Variants in FBXW8 observed in about 807,000 individuals in gnomAD.
FBXW8 encodes the protein F-box and WD repeat domain containing 8.
A neutral mutation model predicts 65.3 loss-of-function variants in FBXW8; 57 were observed. That is an observed-to-expected ratio of 0.87 (90% CI 0.71 to 1.09). The LOEUF is 1.09. Among genes scored for constraint, FBXW8 ranks in the 50% least tolerant of loss-of-function variants. The pLI is 0.00. For synonymous variants in FBXW8, 308 were observed against 330.2 expected, an observed-to-expected ratio of 0.93 and a Z score of 0.73; for missense variants, 777 against 814.8, an observed-to-expected ratio of 0.95 and a Z score of 0.57.
intron 1 of FBXW8, among the ~76,000 whole-genome samples, chr12:116,915,652 T>C (rs1038022545): frequency 6.1e-4 from 85 of 139,624 alleles, no homozygotes; most frequent in Non-Finnish European, 1.0e-3. Flanking sequence ...TTTTTTTTTT[T>C]TTTTTTTTTT....
intron 5 of FBXW8, among the ~76,000 whole-genome samples, chr12:116,965,344 T>C (rs936559695): frequency 6.6e-6 from 1 of 152,260 alleles, no homozygotes; most frequent in Non-Finnish European, 1.5e-5. Context: ...TAATATGTTT[T>C]CTCTTTGACA....
intron 2 of FBXW8, among the ~76,000 whole-genome samples, chr12:116,943,679 T>C (rs1882751653): frequency 1.3e-5 from 2 of 152,214 alleles, no homozygotes; most frequent in Non-Finnish European, 2.9e-5. Context: ...CTCTGGTCTT[T>C]CCTGGGCACA....
At chr12:116,944,576 A>G (rs1340088384) in intron 2 of FBXW8, among the ~76,000 whole-genome samples, 1 of 152,206 alleles carries the variant, frequency 6.6e-6, no homozygotes, top group African/African-American at 2.4e-5. Flanking sequence ...TGCTGTGCAG[A>G]CCGGGATCAC....
rs991610601 is a variant in FBXW8 at position 117,030,716 on chromosome 12, G to C, written c.*2544G>C. 2 of 152,096 alleles carry C rather than the reference G, an allele frequency of 1.3e-5. No homozygotes were observed. Among genetic ancestry groups the C allele is most frequent in the East Asian group, 3.9e-4 (2 of 5,192 alleles). 9.4% of individuals were successfully genotyped at this position (152,096 alleles called of 1,614,324 possible). A position where few individuals can be genotyped will look rare whatever the true frequency, so the allele number is the denominator to read the frequency against. On this transcript the variant is annotated 3_prime_UTR_variant, in exon 11 of 11. Transcript: ENST00000652555. ...CCTGTTTCTAACGTACCTGCCATTC[G>C]TGGAAGTCGCCTGGGTTTTGTAAAG...
intron 5 of FBXW8, 59 bp downstream of exon 5, chr12:116,964,913 G>A: frequency 6.6e-7 from 1 of 1,517,420 alleles, no homozygotes; most frequent in South Asian, 1.3e-5. Context: ...CAAAAATTAA[G>A]CAGCTGTGGC....
At chr12:116,916,961 C>T (rs922325560) in intron 1 of FBXW8, among the ~76,000 whole-genome samples, 1 of 151,924 alleles carries the variant, frequency 6.6e-6, no homozygotes, top group Non-Finnish European at 1.5e-5. Context: ...AGTCATCATA[C>T]AGCAGCTTAG....
chr12:116,983,124 A>G (rs541740319), intron 5 of FBXW8, among the ~76,000 whole-genome samples: 2 of 152,274 alleles, frequency 1.3e-5, no homozygotes, highest in African/African-American at 2.4e-5. Flanking sequence ...CTCTATGCAA[A>G]TGGGAGTTTT....
intron 8 of FBXW8, among the ~76,000 whole-genome samples, chr12:117,021,483 C>T (rs1476200062): frequency 6.6e-6 from 1 of 151,850 alleles, no homozygotes; most frequent in Non-Finnish European, 1.5e-5. Flanking sequence ...AGGTCTTCCT[C>T]CTTTGAATAT....
In FBXW8 at chr12:117,030,885, T is replaced by G. The variant is rs1362723398; in HGVS notation, c.*2713T>G. 1 of 152,216 alleles carries G rather than the reference T, an allele frequency of 6.6e-6. No individual in the cohort carries two copies. Among genetic ancestry groups the G allele is most frequent in the Non-Finnish European group, 1.5e-5 (1 of 68,048 alleles). The allele number at this position is 152,216 out of a possible 1,614,324, so 9.4% of individuals were successfully genotyped here. ...TTTATAAGCCAACATGTATCCAAAT[T>G]AAGCCCCCTTACCTTTATCCAGACC... On this transcript the variant is annotated 3_prime_UTR_variant, in exon 11 of 11. Coordinates refer to ENST00000652555, the MANE Select transcript of FBXW8 (RefSeq NM_153348.3).
chr12:116,945,692 A>C (rs1395777140), intron 3 of FBXW8, among the ~76,000 whole-genome samples, 164 bp downstream of exon 3: 2 of 152,206 alleles, frequency 1.3e-5, no homozygotes, highest in Non-Finnish European at 2.9e-5. Flanking sequence ...TTTGTTCACC[A>C]TTAGATGATC....
At chr12:116,946,496 C>T (rs1014443392) in intron 3 of FBXW8, among the ~76,000 whole-genome samples, 1 of 152,076 alleles carries the variant, frequency 6.6e-6, no homozygotes, top group Admixed American at 6.5e-5. Context: ...TATCTCTGGC[C>T]TCTCCCCATT....
At chr12:116,927,445 G>A (rs1161645861) in intron 1 of FBXW8, among the ~76,000 whole-genome samples, 2 of 152,172 alleles carry the variant, frequency 1.3e-5, no homozygotes, top group South Asian at 2.1e-4. Context: ...GAGAGGTGGC[G>A]TTCATCTCCA....
chr12:116,941,259 A>G (rs997100643), intron 2 of FBXW8, among the ~76,000 whole-genome samples: 2 of 152,222 alleles, frequency 1.3e-5, no homozygotes, highest in African/African-American at 4.8e-5. Context: ...AGATACACCT[A>G]GTTGATCTCC....
At chr12:116,957,350 T>A (rs890806334) in intron 4 of FBXW8, among the ~76,000 whole-genome samples, 18 of 151,920 alleles carry the variant, frequency 1.2e-4, no homozygotes, top group East Asian at 3.9e-4. Context: ...TCAAAAAAAA[T>A]TTTTTTTTAA....
chr12:117,024,803 G>A (rs764549255), intron 9 of FBXW8, among the ~76,000 whole-genome samples: 6 of 152,128 alleles, frequency 3.9e-5, no homozygotes, highest in African/African-American at 7.2e-5. Flanking sequence ...GGTTCTGCCC[G>A]TTGCTTAGAC....
chr12:116,950,400 G>A (rs1045082277), intron 4 of FBXW8: 4 of 152,176 alleles, frequency 2.6e-5, no homozygotes, highest in Admixed American at 1.3e-4. Flanking sequence ...AAAGTAGAAA[G>A]CAGAACACTT....
At chr12:116,978,681 C>T (rs930049758) in intron 5 of FBXW8, 1 of 152,130 alleles carries the variant, frequency 6.6e-6, no homozygotes, top group Non-Finnish European at 1.5e-5. Flanking sequence ...ATCAAGAAAC[C>T]ACTAAAGACC....
At chr12:116,931,240 T>C (rs1881749016) in intron 2 of FBXW8, among the ~76,000 whole-genome samples, 1 of 152,266 alleles carries the variant, frequency 6.6e-6, no homozygotes, top group Admixed American at 6.5e-5. Flanking sequence ...TACTGGTCTA[T>C]ATATCTGTTT....
intron 10 of FBXW8, among the ~76,000 whole-genome samples, 182 bp downstream of exon 10, chr12:117,027,686 C>G (rs1954267038): frequency 6.6e-6 from 1 of 152,178 alleles, no homozygotes; most frequent in Non-Finnish European, 1.5e-5. Context: ...GCATCTGATG[C>G]AGGACAGCCC....
Sources: gnomAD v4.1 joint callset for allele counts (sites outside exome capture counted in the v4.1 genomes callset) on GRCh38, gnomAD v4.1.1 for gene constraint, MANE v1.5 for transcripts, NCBI Gene and HGNC (gene_info 2026-07-23, HGNC 2026-07-21) for gene names.